Variants in MAP3K20 observed in about 807,000 individuals in gnomAD.
The protein encoded by MAP3K20 is mitogen-activated protein kinase kinase kinase 20.
MAP3K20 carries 40 observed loss-of-function variants against 85.7 expected under a neutral mutation model. That is an observed-to-expected ratio of 0.47 (90% confidence interval 0.36 to 0.61). The LOEUF (loss-of-function observed/expected upper bound fraction) is 0.61. Among genes scored for constraint, MAP3K20 ranks in the 20% least tolerant of loss-of-function variants. The pLI, the probability that MAP3K20 is intolerant of heterozygous loss-of-function variation, is 0.00. For synonymous variants in MAP3K20, 325 were observed against 327.7 expected (o/e 0.99, Z 0.09); for missense variants, 817 against 961.7 (o/e 0.85, Z 1.99).
chr2:173,088,551 G>A (rs977740859), intron 1 of MAP3K20, among the ~76,000 whole-genome samples: 3 of 152,218 alleles, frequency 2.0e-5, no homozygotes, highest in Non-Finnish European at 2.9e-5. Flanking sequence ...AATTAGTTGC[G>A]TCTAGAGAGT....
chr2:173,177,246 C>T (rs76012371), intron 3 of MAP3K20, among the ~76,000 whole-genome samples: 2,857 of 152,180 alleles, frequency 0.019, 89 homozygotes, highest in African/African-American at 0.065. Flanking sequence ...GAACATTCTC[C>T]AGAATACGTC....
intron 16 of MAP3K20, among the ~76,000 whole-genome samples, chr2:173,243,734 C>G (rs1204748258): frequency 6.6e-6 from 1 of 152,218 alleles, no homozygotes; most frequent in East Asian, 1.9e-4. Flanking sequence ...TTTCCTGCCT[C>G]AGCCTCCCGA....
chr2:173,099,872 A>T (rs753357311), intron 2 of MAP3K20, among the ~76,000 whole-genome samples: 12 of 152,198 alleles, frequency 7.9e-5, no homozygotes, highest in Non-Finnish European at 1.8e-4. Context: ...ACATCATAAG[A>T]GTTGTTGAGA....
intron 2 of MAP3K20, chr2:173,159,911 G>C (rs1689598045): frequency 6.6e-6 from 1 of 152,178 alleles, no homozygotes; most frequent in Admixed American, 6.5e-5. Flanking sequence ...GGAAGCCCAG[G>C]CTCCTCCCAA....
intron 2 of MAP3K20, among the ~76,000 whole-genome samples, chr2:173,149,616 G>C (rs1689241444): frequency 6.6e-6 from 1 of 152,052 alleles, no homozygotes; most frequent in South Asian, 2.1e-4. Context: ...ATAGCACAGG[G>C]GGGAGGTGGT....
chr2:173,081,382 T>C (rs1399832758), intron 1 of MAP3K20, among the ~76,000 whole-genome samples: 2 of 152,128 alleles, frequency 1.3e-5, no homozygotes, highest in African/African-American at 2.4e-5. Flanking sequence ...TTTATTCATA[T>C]CACCTTCTGC....
chr2:173,105,809 A>G (rs536536599), intron 2 of MAP3K20, among the ~76,000 whole-genome samples: 1 of 152,348 alleles, frequency 6.6e-6, no homozygotes, highest in Non-Finnish European at 1.5e-5. Flanking sequence ...GTTTGGGATG[A>G]TGGAAAAATT....
chr2:173,238,550 CAT>C (rs1253064997), intron 15 of MAP3K20, 115 bp downstream of exon 15: 1 of 930,442 alleles, frequency 1.1e-6, no homozygotes, highest in Non-Finnish European at 1.6e-6. Flanking sequence ...GAAATTTCAT[CAT>C]ATCTGTCTAA....
intron 3 of MAP3K20, 151 bp downstream of exon 3, chr2:173,170,043 TTATATC>T: frequency 1.4e-6 from 1 of 693,888 alleles, no homozygotes; most frequent in Non-Finnish European, 2.4e-6. Flanking sequence ...ATAAAACTGA[TTATATC>T]AATATAATTA....
intron 2 of MAP3K20, among the ~76,000 whole-genome samples, chr2:173,092,923 T>C (rs1213752987): frequency 6.6e-6 from 1 of 152,082 alleles, no homozygotes; most frequent in East Asian, 1.9e-4. Flanking sequence ...GTATTTAACA[T>C]GAATGTAGGT....
chr2:173,129,642 A>T (rs79821526), intron 2 of MAP3K20, among the ~76,000 whole-genome samples: 7,158 of 152,304 alleles, frequency 0.047, 376 homozygotes, highest in African/African-American at 0.12. Flanking sequence ...GTCTGACTAG[A>T]TAGGTCTTGT....
rs6724185 is a variant in MAP3K20 at position 173,207,965 on chromosome 2, A to G, written c.745-1764A>G. ...TTTTTCTAGGGATGCTGGTCATCCA[A>G]TTACAGAAGAGTTTCACCTTATTTT... On this transcript the variant is annotated intron_variant, in intron 9 of 19. Coordinates refer to ENST00000375213, the MANE Select transcript of MAP3K20 (RefSeq NM_016653.3). Among the ~76,000 whole-genome samples, 395 of 152,362 alleles carry G rather than the reference A, an allele frequency of 2.6e-3. 3 individuals carry two copies. The highest frequency in any genetic ancestry group is 9.1e-3 in the African/African-American group (377 of 41,582).
intron 16 of MAP3K20, among the ~76,000 whole-genome samples, chr2:173,243,780 CG>C (rs1559296802): frequency 6.6e-6 from 1 of 152,152 alleles, no homozygotes; most frequent in East Asian, 1.9e-4. Flanking sequence ...CCCGCCACCA[CG>C]CCCGGCTAAT....
chr2:173,104,607 T>C (rs1462865739), intron 2 of MAP3K20, among the ~76,000 whole-genome samples: 2 of 152,188 alleles, frequency 1.3e-5, no homozygotes, highest in Non-Finnish European at 2.9e-5. Flanking sequence ...CTTTGACAAA[T>C]ATACCCTGGT....
intron 4 of MAP3K20, among the ~76,000 whole-genome samples, chr2:173,187,105 C>T (rs943059420): frequency 2.0e-5 from 3 of 152,178 alleles, no homozygotes; most frequent in African/African-American, 7.2e-5. Context: ...GCCAGGTAAC[C>T]ATAGACATCC....
chr2:173,170,122 T>G (rs2106250631), intron 3 of MAP3K20, among the ~76,000 whole-genome samples: 1 of 152,356 alleles, frequency 6.6e-6, no homozygotes. Context: ...TAAATGCTAT[T>G]TAAATGCACT....
At chr2:173,183,282 T>C (rs567648788) in intron 4 of MAP3K20, among the ~76,000 whole-genome samples, 60 of 152,302 alleles carry the variant, frequency 3.9e-4, no homozygotes, top group Non-Finnish European at 6.8e-4. Context: ...AAATCATAGT[T>C]CTGTTGTTCT....
chr2:173,173,862 A>C (rs1690078431), intron 3 of MAP3K20, among the ~76,000 whole-genome samples: 1 of 152,206 alleles, frequency 6.6e-6, no homozygotes, highest in Non-Finnish European at 1.5e-5. Flanking sequence ...TATCACCGTA[A>C]AACTCAAAGG....
intron 2 of MAP3K20, among the ~76,000 whole-genome samples, chr2:173,119,364 C>T (rs1688214139): frequency 6.6e-6 from 1 of 152,200 alleles, no homozygotes; most frequent in African/African-American, 2.4e-5. Context: ...CCACAAGAGT[C>T]TTCTGGCTGG....
Sources: allele counts gnomAD v4.1 joint callset (sites outside exome capture counted in the v4.1 genomes callset), GRCh38; gene constraint gnomAD v4.1.1; transcripts MANE v1.5; gene names NCBI Gene and HGNC (gene_info 2026-07-23, HGNC 2026-07-21).